The following CACNA2D2 variants were observed in gnomAD, a reference collection of about 807,000 sequenced individuals.
The protein encoded by CACNA2D2 is voltage-dependent calcium channel subunit alpha-2/delta-2.
CACNA2D2 carries 48 observed loss-of-function variants against 166.4 expected under a neutral mutation model. The observed-to-expected ratio is 0.29, with a 90% CI of 0.23 to 0.37. The LOEUF is 0.37. CACNA2D2 is among the 10% of genes least tolerant of loss of function. The pLI, the probability that CACNA2D2 is intolerant of heterozygous loss-of-function variation, is 1.00. For synonymous variants in CACNA2D2, 561 were observed against 573.7 expected, an observed-to-expected ratio of 0.98 and a Z score of 0.32; for missense variants, 1,122 against 1,433.0, an observed-to-expected ratio of 0.78 and a Z score of 3.50.
intron 3 of CACNA2D2, among the ~76,000 whole-genome samples, chr3:50,394,809 G>A (rs1350313608): frequency 6.6e-6 from 1 of 152,262 alleles, no homozygotes; most frequent in Non-Finnish European, 1.5e-5. Context: ...CACTGGGCAC[G>A]CTGGGTGCCA....
intron 2 of CACNA2D2, among the ~76,000 whole-genome samples, chr3:50,465,683 G>A (rs1270338378): frequency 1.3e-5 from 2 of 152,172 alleles, no homozygotes; most frequent in African/African-American, 4.8e-5. Context: ...CTAGGATCGG[G>A]TGAAGGGAGG....
chr3:50,396,590 C>T (rs116992890), intron 3 of CACNA2D2, among the ~76,000 whole-genome samples: 2 of 152,268 alleles, frequency 1.3e-5, no homozygotes, highest in East Asian at 3.9e-4. Context: ...CCTGCAGTGA[C>T]CTTGTGTAGA....
chr3:50,362,947 T>C lies in CACNA2D2; in HGVS notation c.*1719A>G, dbSNP rs908394345. The C allele has an allele frequency of 3.0e-5, 12 of 396,752 alleles. No homozygotes were observed. The highest frequency in any genetic ancestry group is 8.8e-5 in the Admixed American group (2 of 22,672). 24.6% of individuals were successfully genotyped at this position (396,752 alleles called of 1,614,324 possible). ...GTTTTTCCAACTTGTCTGTACAAAA[T>C]AGAACAACAAAAAAAGGGCAGAGAA... On this transcript the variant is annotated 3_prime_UTR_variant, in exon 38 of 38. Coordinates refer to ENST00000424201, the MANE Select transcript of CACNA2D2 (RefSeq NM_006030.4).
intron 2 of CACNA2D2, among the ~76,000 whole-genome samples, chr3:50,461,172 A>G (rs1258851898): frequency 6.6e-6 from 1 of 152,222 alleles, no homozygotes; most frequent in Non-Finnish European, 1.5e-5. Flanking sequence ...ATTTCTGAAC[A>G]CTGGGCAAAG....
chr3:50,400,341 T>C (rs1297308574), intron 3 of CACNA2D2, among the ~76,000 whole-genome samples: 1 of 152,188 alleles, frequency 6.6e-6, no homozygotes, highest in Non-Finnish European at 1.5e-5. Context: ...CACCTCCTGC[T>C]CCAAGCAGGT....
intron 3 of CACNA2D2, among the ~76,000 whole-genome samples, chr3:50,420,991 C>T (rs1319284828): frequency 6.6e-6 from 1 of 152,204 alleles, no homozygotes; most frequent in Non-Finnish European, 1.5e-5. Flanking sequence ...TCAGTCAGGC[C>T]TGTGCCATCC....
chr3:50,410,481 G>GGC (rs1706951410), intron 3 of CACNA2D2, among the ~76,000 whole-genome samples: 1 of 51,144 alleles, frequency 2.0e-5, no homozygotes, highest in African/African-American at 1.8e-4. Context: ...TCCCTGGGAT[G>GGC]GGGGGGGGGG....
At chr3:50,433,354 T>C (rs975761920) in intron 3 of CACNA2D2, among the ~76,000 whole-genome samples, 2 of 152,014 alleles carry the variant, frequency 1.3e-5, no homozygotes, top group African/African-American at 4.8e-5. Flanking sequence ...TCCGTTTTTT[T>C]TGTTGTTTGT....
intron 2 of CACNA2D2, among the ~76,000 whole-genome samples, chr3:50,464,040 G>A (rs1351655744): frequency 6.6e-6 from 1 of 152,208 alleles, no homozygotes; most frequent in South Asian, 2.1e-4. Flanking sequence ...CAAAAGGCAG[G>A]ACAGCAGGCC....
intron 2 of CACNA2D2, among the ~76,000 whole-genome samples, chr3:50,457,724 C>T (rs1709422154): frequency 6.6e-6 from 1 of 152,234 alleles, no homozygotes; most frequent in Non-Finnish European, 1.5e-5. Flanking sequence ...AGCGCAGAGA[C>T]TTCCCTCCAC....
intron 3 of CACNA2D2, among the ~76,000 whole-genome samples, chr3:50,418,681 C>A (rs778465676): frequency 6.6e-6 from 1 of 152,228 alleles, no homozygotes; most frequent in Non-Finnish European, 1.5e-5. Context: ...CTCTTCTCTG[C>A]GGCATCCTGG....
intron 2 of CACNA2D2, among the ~76,000 whole-genome samples, chr3:50,460,749 G>A (rs1709552544): frequency 6.6e-6 from 1 of 152,078 alleles, no homozygotes; most frequent in Non-Finnish European, 1.5e-5. Flanking sequence ...AGCTACTCGG[G>A]GGGCTGAGGC....
chr3:50,453,127 C>A (rs1238864750), intron 2 of CACNA2D2, among the ~76,000 whole-genome samples: 1 of 152,180 alleles, frequency 6.6e-6, no homozygotes, highest in Non-Finnish European at 1.5e-5. Context: ...GACCCTAACA[C>A]CAGCCTCTCC....
chr3:50,473,992 C>A (rs538066896), intron 2 of CACNA2D2, among the ~76,000 whole-genome samples: 1 of 152,374 alleles, frequency 6.6e-6, no homozygotes, highest in Admixed American at 6.5e-5. Flanking sequence ...CTCTGCCTGC[C>A]TGCCTGCCAC....
chr3:50,493,430 T>C (rs1379216819), intron 1 of CACNA2D2, among the ~76,000 whole-genome samples: 1 of 152,208 alleles, frequency 6.6e-6, no homozygotes, highest in Non-Finnish European at 1.5e-5. Flanking sequence ...ATCTCTTCCA[T>C]GCCTAGTACC....
In CACNA2D2 at chr3:50,373,024, G is replaced by A. The variant is rs897339963; in HGVS notation, c.1984+1713C>T. 3 of 1,522,098 alleles carry A rather than the reference G, an allele frequency of 2.0e-6. No homozygotes were observed. The African/African-American group carries it at 4.1e-5, about 21-fold the overall frequency. The allele number at this position is 1,522,098 out of a possible 1,614,324, so 94.3% of individuals were successfully genotyped here. A position where few individuals can be genotyped will look rare whatever the true frequency, so the allele number is the denominator to read the frequency against. ...GCAAGCAGGGGCGTGAGGATGGGAG[G>A]GGTGGGAAGAGGAGGGTGCACTGGT... is the stretch of plus-strand genomic sequence containing the variant. On this transcript the variant is annotated intron_variant, in intron 22 of 37. Coordinates refer to ENST00000424201, the MANE Select transcript of CACNA2D2 (RefSeq NM_006030.4).
At chr3:50,374,599 T>C in intron 22 of CACNA2D2, 138 bp downstream of exon 22, 1 of 845,058 alleles carries the variant, frequency 1.2e-6, no homozygotes, top group Non-Finnish European at 1.9e-6. Context: ...TGCCCCAGCC[T>C]GCGGGCACCT....
At chr3:50,478,693 T>C (rs1697908111) in intron 1 of CACNA2D2, among the ~76,000 whole-genome samples, 1 of 152,148 alleles carries the variant, frequency 6.6e-6, no homozygotes, top group Non-Finnish European at 1.5e-5. Context: ...ATCCAGGAAG[T>C]AGTGAACACA....
At chr3:50,416,190 C>T (rs554828342) in intron 3 of CACNA2D2, 3 of 152,414 alleles carry the variant, frequency 2.0e-5, no homozygotes, top group African/African-American at 2.4e-5. Context: ...TCTCTGAGAG[C>T]TTCCCAGTTG....
Sources: allele counts gnomAD v4.1 joint callset (sites outside exome capture counted in the v4.1 genomes callset), GRCh38; gene constraint gnomAD v4.1.1; transcripts MANE v1.5; gene names NCBI Gene and HGNC (gene_info 2026-07-23, HGNC 2026-07-21).